Variants in DOCK4 observed in about 807,000 individuals in gnomAD.
DOCK4 encodes dedicator of cytokinesis protein 4.
In DOCK4, 97 loss-of-function variants were observed where a neutral mutation model predicts 268.1. The observed-to-expected ratio is 0.36, with a 90% confidence interval of 0.31 to 0.43. The LOEUF is 0.43. Among genes scored for constraint, DOCK4 ranks in the 20% least tolerant of loss-of-function variants. DOCK4 has a pLI of 1.00. For synonymous variants in DOCK4, 954 were observed against 887.2 expected, an observed-to-expected ratio of 1.08 and a Z score of -1.34; for missense variants, 2,145 against 2,455.7, an observed-to-expected ratio of 0.87 and a Z score of 2.67.
intron 49 of DOCK4, among the ~76,000 whole-genome samples, chr7:111,737,404 C>T (rs1469409758): frequency 2.0e-5 from 3 of 152,030 alleles, no homozygotes; most frequent in Non-Finnish European, 4.4e-5. Context: ...GCTGGGATTA[C>T]AGGCATGAGC....
chr7:112,176,927 A>G lies in DOCK4; in HGVS notation c.37+29175T>C, dbSNP rs140137975. Reference sequence around the variant, plus strand: ...CGACATGTGAGAAGCCTTACCTACCATTTTCAAGATCTTGGCCATGGTGTC... The same window carrying G: ...CGACATGTGAGAAGCCTTACCTACCGTTTTCAAGATCTTGGCCATGGTGTC... On this transcript the variant is annotated intron_variant, in intron 1 of 52. Transcript: ENST00000428084. 2.6e-3 allele frequency among the ~76,000 whole-genome samples: 398 copies of G among 152,274 alleles called. 2 individuals are homozygous for G. Among genetic ancestry groups the G allele is most frequent in the African/African-American group, 8.8e-3 (364 of 41,540 alleles).
chr7:111,948,200 A>G (rs1795775150), intron 8 of DOCK4, among the ~76,000 whole-genome samples: 1 of 152,228 alleles, frequency 6.6e-6, no homozygotes, highest in Non-Finnish European at 1.5e-5. Flanking sequence ...CTATGCCTTT[A>G]GGAAATAGGT....
chr7:112,110,007 G>C (rs1811506166), intron 1 of DOCK4, among the ~76,000 whole-genome samples: 1 of 151,960 alleles, frequency 6.6e-6, no homozygotes, highest in Admixed American at 6.5e-5. Context: ...GCCTCCCAAA[G>C]TGCTGGGATT....
chr7:111,950,247 C>T (rs1033610107), intron 8 of DOCK4, among the ~76,000 whole-genome samples: 2 of 152,204 alleles, frequency 1.3e-5, no homozygotes, highest in Non-Finnish European at 2.9e-5. Flanking sequence ...CATTCTGGCA[C>T]ATCTTCTGAA....
chr7:112,120,747 T>A (rs2115889689), intron 1 of DOCK4, among the ~76,000 whole-genome samples: 1 of 152,346 alleles, frequency 6.6e-6, no homozygotes, highest in African/African-American at 2.4e-5. Flanking sequence ...CCTTCCAGGC[T>A]CATAAGCAAT....
intron 1 of DOCK4, among the ~76,000 whole-genome samples, chr7:112,112,961 G>A (rs929437655): frequency 6.6e-6 from 1 of 152,210 alleles, no homozygotes; most frequent in Non-Finnish European, 1.5e-5. Flanking sequence ...TTGTGAAACA[G>A]CTGACTGTGT....
At chr7:111,831,376 C>G (rs1802798512) in intron 26 of DOCK4, among the ~76,000 whole-genome samples, 1 of 152,170 alleles carries the variant, frequency 6.6e-6, no homozygotes, top group African/African-American at 2.4e-5. Context: ...ACAATCGCCT[C>G]TACTTCAAGC....
intron 1 of DOCK4, among the ~76,000 whole-genome samples, chr7:112,115,891 G>A (rs539784020): frequency 2.6e-5 from 4 of 152,230 alleles, no homozygotes; most frequent in African/African-American, 9.6e-5. Context: ...TATTGTCCAG[G>A]TTGGTCTCAA....
At chr7:112,006,973 C>T (rs371537745) in intron 1 of DOCK4, among the ~76,000 whole-genome samples, 106 of 152,332 alleles carry the variant, frequency 7.0e-4, no homozygotes, top group Admixed American at 2.9e-3. Context: ...GACCTCAGTG[C>T]TTTTACATCT....
chr7:112,041,069 C>T (rs1804311263), intron 1 of DOCK4, among the ~76,000 whole-genome samples: 1 of 152,162 alleles, frequency 6.6e-6, no homozygotes, highest in Non-Finnish European at 1.5e-5. Context: ...TCAGATGCAG[C>T]TCTGAGTTGA....
chr7:112,183,511 C>T (rs913758596), intron 1 of DOCK4, among the ~76,000 whole-genome samples: 16 of 152,158 alleles, frequency 1.1e-4, no homozygotes, highest in Non-Finnish European at 1.8e-4. Flanking sequence ...TGTCACCTCA[C>T]GGGATTATGT....
intron 15 of DOCK4, among the ~76,000 whole-genome samples, chr7:111,897,678 C>T (rs1808873408): frequency 6.6e-6 from 1 of 152,140 alleles, no homozygotes; most frequent in Non-Finnish European, 1.5e-5. Context: ...ATCCTCCCCA[C>T]CCCCCAGTGC....
At chr7:112,110,854 T>A (rs375421423) in intron 1 of DOCK4, among the ~76,000 whole-genome samples, 7 of 152,290 alleles carry the variant, frequency 4.6e-5, no homozygotes, top group East Asian at 1.9e-4. Flanking sequence ...GAGGAGGCTG[T>A]CCCACAGGGG....
intron 25 of DOCK4, among the ~76,000 whole-genome samples, chr7:111,839,636 T>C (rs571070157): frequency 1.3e-5 from 2 of 152,302 alleles, no homozygotes; most frequent in East Asian, 1.9e-4. Flanking sequence ...ATATAATCCC[T>C]TGGGCATTTA....
chr7:111,848,912 T>C (rs373545002), intron 23 of DOCK4, among the ~76,000 whole-genome samples: 84 of 152,318 alleles, frequency 5.5e-4, no homozygotes, highest in African/African-American at 1.7e-3. Context: ...CCAGGGACCA[T>C]TGACCATCCC....
chr7:111,800,983 C>T (rs1022384775), intron 30 of DOCK4, among the ~76,000 whole-genome samples: 1 of 152,072 alleles, frequency 6.6e-6, no homozygotes, highest in Non-Finnish European at 1.5e-5. Context: ...AGCAACCGCC[C>T]GAAACATTTC....
At chr7:111,901,324 T>C (rs1791124069) in intron 14 of DOCK4, among the ~76,000 whole-genome samples, 2 of 122,538 alleles carry the variant, frequency 1.6e-5, no homozygotes, top group African/African-American at 3.5e-5. Context: ...CAGAATAAGA[T>C]TCTGTCTCAA....
At chr7:111,968,912 G>T (rs1339547624) in intron 8 of DOCK4, among the ~76,000 whole-genome samples, 1 of 80,046 alleles carries the variant, frequency 1.2e-5, no homozygotes, top group Non-Finnish European at 2.3e-5. Flanking sequence ...CCTTTGTAGG[G>T]ACATGGATGA....
At chr7:111,928,651 A>G (rs1013675869) in intron 12 of DOCK4, among the ~76,000 whole-genome samples, 3 of 150,042 alleles carry the variant, frequency 2.0e-5, no homozygotes, top group African/African-American at 7.4e-5. Flanking sequence ...ACAGTGGCAC[A>G]ATCTTGGCTC....
Sources: allele counts gnomAD v4.1 joint callset (sites outside exome capture counted in the v4.1 genomes callset), GRCh38; gene constraint gnomAD v4.1.1; transcripts MANE v1.5; gene names NCBI Gene and HGNC (gene_info 2026-07-23, HGNC 2026-07-21).